Variants in GALNT17 observed in about 807,000 individuals in gnomAD.
GALNT17 encodes the protein UDP-GalNAc:polypeptide N-acetylgalactosaminyltransferase-like 3.
Under a neutral mutation model 63.7 loss-of-function variants are expected in GALNT17, and 29 were observed. That is an observed-to-expected ratio of 0.46 (90% CI 0.34 to 0.62). GALNT17 has a LOEUF of 0.62. GALNT17 is among the 20% of genes least tolerant of loss of function. The probability of loss-of-function intolerance (pLI) is 0.01; values close to 1 mark genes in which losing one functional copy is unlikely to be tolerated. For synonymous variants in GALNT17, 305 were observed against 318.3 expected (o/e 0.96, Z 0.45); for missense variants, 603 against 799.6 (o/e 0.75, Z 2.97).
chr7:71,243,831 CTGT>C (rs1790046742), intron 1 of GALNT17, among the ~76,000 whole-genome samples: 3 of 152,114 alleles, frequency 2.0e-5, no homozygotes, highest in African/African-American at 7.2e-5. Flanking sequence ...TGAAAAATGT[CTGT>C]TCATAAAAGG....
intron 6 of GALNT17, among the ~76,000 whole-genome samples, chr7:71,581,526 C>T (rs144642866): frequency 3.2e-4 from 48 of 152,226 alleles, no homozygotes; most frequent in Admixed American, 2.2e-3. Context: ...GGGAAACCAA[C>T]CCCCATGATC....
At chr7:71,655,205 C>T (rs1196251624) in intron 6 of GALNT17, among the ~76,000 whole-genome samples, 1 of 151,916 alleles carries the variant, frequency 6.6e-6, no homozygotes, top group Non-Finnish European at 1.5e-5. Context: ...CCATGAGCTA[C>T]AGTCATGCCA....
At chr7:71,365,234 T>C (rs1338052351) in intron 2 of GALNT17, among the ~76,000 whole-genome samples, 1 of 151,944 alleles carries the variant, frequency 6.6e-6, no homozygotes, top group Non-Finnish European at 1.5e-5. Flanking sequence ...CATCCGGTCA[T>C]GGAAGGAATA....
intron 1 of GALNT17, among the ~76,000 whole-genome samples, chr7:71,252,831 G>A (rs533611842): frequency 1.3e-5 from 2 of 152,128 alleles, no homozygotes; most frequent in Non-Finnish European, 2.9e-5. Flanking sequence ...CCTCCCTCAC[G>A]ATTTATTCAT....
chr7:71,480,430 T>C (rs1787798669), intron 5 of GALNT17, among the ~76,000 whole-genome samples: 1 of 152,024 alleles, frequency 6.6e-6, no homozygotes, highest in Admixed American at 6.6e-5. Context: ...CTTTCCATTT[T>C]CCTCTCCTAC....
intron 5 of GALNT17, among the ~76,000 whole-genome samples, chr7:71,463,317 A>AGG (rs1787482216): frequency 1.3e-5 from 2 of 152,236 alleles, no homozygotes; most frequent in Non-Finnish European, 2.9e-5. Flanking sequence ...ATTCTTAAAC[A>AGG]GTCTGAGGGC....
chr7:71,438,120 G>A (rs1055328679), intron 5 of GALNT17, among the ~76,000 whole-genome samples: 2 of 152,182 alleles, frequency 1.3e-5, no homozygotes, highest in Non-Finnish European at 2.9e-5. Flanking sequence ...GGGTTCTCTA[G>A]AGGGACAGAA....
intron 6 of GALNT17, among the ~76,000 whole-genome samples, chr7:71,578,852 C>T (rs1028222959): frequency 5.9e-5 from 9 of 152,126 alleles, no homozygotes; most frequent in Non-Finnish European, 1.2e-4. Context: ...CCCATCCATC[C>T]ATGTTAACCA....
At chr7:71,170,259 T>C (rs1042603825) in intron 1 of GALNT17, among the ~76,000 whole-genome samples, 1 of 152,202 alleles carries the variant, frequency 6.6e-6, no homozygotes, top group African/African-American at 2.4e-5. Context: ...GCTGTTTTTT[T>C]CCTCCCCCTT....
intron 1 of GALNT17, among the ~76,000 whole-genome samples, chr7:71,211,790 C>T (rs565008146): frequency 6.6e-6 from 1 of 152,148 alleles, no homozygotes; most frequent in Non-Finnish European, 1.5e-5. Flanking sequence ...AACATTTTGC[C>T]CCTGCCCTCA....
intron 4 of GALNT17, 83 bp downstream of exon 4, chr7:71,416,146 C>T (rs1793522602): frequency 4.1e-6 from 6 of 1,463,822 alleles, no homozygotes; most frequent in Admixed American, 4.3e-5. Flanking sequence ...TGGGACATTT[C>T]ACCTGTTACC....
chr7:71,480,044 TGA>T (rs1416349558), intron 5 of GALNT17, among the ~76,000 whole-genome samples: 1 of 152,096 alleles, frequency 6.6e-6, no homozygotes, highest in African/African-American at 2.4e-5. Context: ...TCCCAATATT[TGA>T]TGCTTGTTTT....
intron 2 of GALNT17, among the ~76,000 whole-genome samples, chr7:71,349,585 G>C (rs992090340): frequency 1.3e-5 from 2 of 152,200 alleles, no homozygotes; most frequent in Non-Finnish European, 2.9e-5. Flanking sequence ...AGACGTGACG[G>C]AACCAATGCT....
chr7:71,420,571 C>T (rs1296940999), intron 4 of GALNT17, among the ~76,000 whole-genome samples: 4 of 152,156 alleles, frequency 2.6e-5, no homozygotes, highest in African/African-American at 9.7e-5. Flanking sequence ...TCATGGAGTC[C>T]ACCGTCAGTA....
intron 3 of GALNT17, 67 bp downstream of exon 3, chr7:71,388,468 A>C (rs759921028): frequency 6.4e-7 from 1 of 1,552,018 alleles, no homozygotes; most frequent in Non-Finnish European, 8.8e-7. Flanking sequence ...TTTCATTCCA[A>C]CGCGAGCCCG....
intron 2 of GALNT17, among the ~76,000 whole-genome samples, chr7:71,359,479 C>G (rs1583887563): frequency 6.6e-6 from 1 of 152,228 alleles, no homozygotes; most frequent in Middle Eastern, 3.4e-3. Context: ...AGGGGTCGGC[C>G]CCATGACCCA....
chr7:71,550,292 A>ATAG (rs752260497), intron 5 of GALNT17, among the ~76,000 whole-genome samples: 1 of 152,140 alleles, frequency 6.6e-6, no homozygotes, highest in Non-Finnish European at 1.5e-5. Flanking sequence ...TGGGTCATAC[A>ATAG]TAGCTATGAT....
intron 1 of GALNT17, among the ~76,000 whole-genome samples, chr7:71,184,483 C>T (rs556357112): frequency 6.6e-6 from 1 of 152,318 alleles, no homozygotes; most frequent in African/African-American, 2.4e-5. Flanking sequence ...CACCAACACA[C>T]ACTTTACTGC....
chr7:71,519,656 A>G (rs1788498162), intron 5 of GALNT17, among the ~76,000 whole-genome samples: 1 of 151,878 alleles, frequency 6.6e-6, no homozygotes, highest in African/African-American at 2.4e-5. Flanking sequence ...TAGAGATGAG[A>G]TTTTACCGTA....
Sources: allele counts gnomAD v4.1 joint callset (sites outside exome capture counted in the v4.1 genomes callset), GRCh38; gene constraint gnomAD v4.1.1; transcripts MANE v1.5; gene names NCBI Gene and HGNC (gene_info 2026-07-23, HGNC 2026-07-21).